ARHGAP32: variants seen among roughly 807,000 people sequenced by gnomAD.
The protein encoded by ARHGAP32 is rho GTPase-activating protein 32.
In ARHGAP32, 51 loss-of-function variants were observed where a neutral mutation model predicts 186.5. The ratio of observed to expected loss-of-function variants is 0.27; its 90% CI spans 0.22 to 0.35. ARHGAP32 has a LOEUF of 0.35. Among genes scored for constraint, ARHGAP32 ranks in the 10% least tolerant of loss-of-function variants. The probability of loss-of-function intolerance (pLI) is 1.00; values close to 1 mark genes in which losing one functional copy is unlikely to be tolerated. For synonymous variants in ARHGAP32, 950 were observed against 964.3 expected (o/e 0.99, Z 0.27); for missense variants, 2,186 against 2,623.5 (o/e 0.83, Z 3.64).
intron 13 of ARHGAP32, 142 bp downstream of exon 13, chr11:128,987,881 A>C: frequency 1.6e-6 from 1 of 628,746 alleles, no homozygotes; most frequent in Non-Finnish European, 2.7e-6. Context: ...AAGTATACAG[A>C]GACAATAACA....
At chr11:128,998,991 G>A (rs1166440649) in intron 11 of ARHGAP32, among the ~76,000 whole-genome samples, 1 of 152,182 alleles carries the variant, frequency 6.6e-6, no homozygotes, top group Non-Finnish European at 1.5e-5. Flanking sequence ...AAACATGTGT[G>A]TATGAACAAT....
chr11:129,163,214 G>A (rs1001151053), intron 2 of ARHGAP32, among the ~76,000 whole-genome samples: 5 of 150,866 alleles, frequency 3.3e-5, no homozygotes, highest in South Asian at 2.1e-4. Context: ...CAAAAATGAA[G>A]TAAGTAAAAT....
intron 6 of ARHGAP32, among the ~76,000 whole-genome samples, chr11:129,084,244 A>G (rs907419208): frequency 1.3e-5 from 2 of 151,966 alleles, no homozygotes; most frequent in African/African-American, 4.8e-5. Context: ...GCAAGTCTCT[A>G]TATCTCTTCC....
intron 1 of ARHGAP32, among the ~76,000 whole-genome samples, chr11:129,247,240 G>GC (rs34906619): frequency 0.2 from 30,522 of 151,922 alleles, 3,178 homozygotes; most frequent in East Asian, 0.28. Context: ...CTGTTTACAT[G>GC]CTAAAAGTAT....
chr11:129,108,447 TG>T (rs1262691270), intron 5 of ARHGAP32, among the ~76,000 whole-genome samples: 1 of 152,094 alleles, frequency 6.6e-6, no homozygotes, highest in Non-Finnish European at 1.5e-5. Context: ...ATTATAAACA[TG>T]GAGGCCCCAA....
In ARHGAP32 at chr11:129,126,124, A is replaced by T. The variant is rs1942654922; in HGVS notation, c.226-1230T>A. ...TAGAAAAAAATTTTAAGACTAAAATAAAAAGTATATTTTTAAAAAGGGAAA... is the reference window on the plus strand; with the variant it reads ...TAGAAAAAAATTTTAAGACTAAAATTAAAAGTATATTTTTAAAAAGGGAAA... On this transcript the variant is annotated intron_variant, in intron 2 of 22. Transcript: ENST00000682385. 11 of 255,880 alleles carry T rather than the reference A, an allele frequency of 4.3e-5. 1 individual carries two copies. In the South Asian group the frequency reaches 4.5e-4, roughly 10 times the overall value. The allele number at this position is 255,880 out of a possible 1,614,324, so 15.9% of individuals were successfully genotyped here.
At chr11:129,227,178 G>A (rs547564746) in intron 1 of ARHGAP32, among the ~76,000 whole-genome samples, 2 of 152,004 alleles carry the variant, frequency 1.3e-5, no homozygotes, top group South Asian at 2.1e-4. Flanking sequence ...AATTAAGTGA[G>A]TATTAATTCA....
chr11:129,062,355 C>T lies in ARHGAP32; in HGVS notation c.888G>A (p.Val296=). The T allele has an allele frequency of 6.2e-7, 1 of 1,611,316 alleles. No homozygotes were observed. Among genetic ancestry groups the T allele is most frequent in the East Asian group, 2.2e-5 (1 of 44,838 alleles). The change falls in exon 10 of 23, where the codon GTG becomes GTA. Residue 296 remains valine, a splice_region_variant and synonymous_variant. Coordinates refer to ENST00000682385, the MANE Select transcript of ARHGAP32 (RefSeq NM_001378024.1). ...TGTCAATAACAGAAACAATGTCTCC[C>T]ACCTAGGAGAATCAAAATTTTAAGC... ...ARAPDELTLE[V]GDIVSVIDMP... is the part of the protein sequence containing the mutation.
At chr11:129,034,375 G>A (rs903326104) in intron 11 of ARHGAP32, among the ~76,000 whole-genome samples, 3 of 152,232 alleles carry the variant, frequency 2.0e-5, no homozygotes, top group East Asian at 1.9e-4. Flanking sequence ...TGTCCTCAGA[G>A]GGAAGGTTGC....
chr11:129,141,091 T>C (rs538949375), intron 2 of ARHGAP32, among the ~76,000 whole-genome samples: 7 of 152,212 alleles, frequency 4.6e-5, no homozygotes, highest in Non-Finnish European at 8.8e-5. Flanking sequence ...TCAGGTAGAA[T>C]GCTTATGTTT....
intron 2 of ARHGAP32, among the ~76,000 whole-genome samples, chr11:129,133,973 A>G (rs1942878656): frequency 6.6e-6 from 1 of 152,228 alleles, no homozygotes; most frequent in African/African-American, 2.4e-5. Context: ...AAACTTTAAC[A>G]TAACGATGGT....
chr11:129,170,368 C>T (rs2135502170), intron 1 of ARHGAP32, among the ~76,000 whole-genome samples: 1 of 152,084 alleles, frequency 6.6e-6, no homozygotes, highest in Non-Finnish European at 1.5e-5. Flanking sequence ...CTGTGTTGTT[C>T]CCCTCTCTGT....
At chr11:128,989,536 A>ACACG (rs1945979002) in intron 12 of ARHGAP32, among the ~76,000 whole-genome samples, 1 of 151,406 alleles carries the variant, frequency 6.6e-6, no homozygotes, top group Admixed American at 6.6e-5. Flanking sequence ...ACACACACAC[A>ACACG]CACACACACA....
chr11:129,035,040 C>A (rs1239201765), intron 11 of ARHGAP32, among the ~76,000 whole-genome samples: 2 of 152,128 alleles, frequency 1.3e-5, no homozygotes, highest in Admixed American at 6.5e-5. Flanking sequence ...GCAAAACAAA[C>A]ACAAAGAAAA....
At chr11:129,210,337 T>C (rs1355255625) in intron 1 of ARHGAP32, among the ~76,000 whole-genome samples, 1 of 152,186 alleles carries the variant, frequency 6.6e-6, no homozygotes, top group African/African-American at 2.4e-5. Context: ...ACCTTACAAC[T>C]GTATGGGAAA....
At chr11:128,988,183 G>T in intron 12 of ARHGAP32, 58 bp from the exon 13 acceptor site, 1 of 1,294,644 alleles carries the variant, frequency 7.7e-7, no homozygotes, top group Non-Finnish European at 1.1e-6. Flanking sequence ...AACCAAAGTT[G>T]CCAAAAAATA....
chr11:129,256,019 T>C (rs1945249730), intron 1 of ARHGAP32, among the ~76,000 whole-genome samples: 1 of 152,106 alleles, frequency 6.6e-6, no homozygotes, highest in Non-Finnish European at 1.5e-5. Flanking sequence ...AGAATGTATA[T>C]AATTACATAT....
chr11:129,211,097 C>G (rs570621041), intron 1 of ARHGAP32, among the ~76,000 whole-genome samples: 28 of 152,294 alleles, frequency 1.8e-4, no homozygotes, highest in African/African-American at 6.7e-4. Flanking sequence ...GCATCCCTTT[C>G]CATCAGCAAC....
chr11:129,204,587 T>C (rs1944493983), intron 1 of ARHGAP32, among the ~76,000 whole-genome samples: 2 of 152,214 alleles, frequency 1.3e-5, no homozygotes. Context: ...TATAGTTCAC[T>C]CTGCTTTGAA....
Sources: gnomAD v4.1 joint callset for allele counts (sites outside exome capture counted in the v4.1 genomes callset) on GRCh38, gnomAD v4.1.1 for gene constraint, MANE v1.5 for transcripts, NCBI Gene and HGNC (gene_info 2026-07-23, HGNC 2026-07-21) for gene names.